Variants in ATPAF2 observed in about 807,000 individuals in gnomAD.
The protein encoded by ATPAF2 is ATP12 homolog.
Under a neutral mutation model 36.6 loss-of-function variants are expected in ATPAF2, and 30 were observed. That is an observed-to-expected ratio of 0.82 (90% CI 0.61 to 1.11). The LOEUF (loss-of-function observed/expected upper bound fraction) is 1.11. Ranked by LOEUF, ATPAF2 falls within the 50% of genes most tolerant of loss-of-function variation. ATPAF2 has a pLI of 0.00. For synonymous variants in ATPAF2, 140 were observed against 152.6 expected (o/e 0.92, Z 0.61); for missense variants, 321 against 372.3 (o/e 0.86, Z 1.13).
At chr17:18,037,735 T>C (rs146740340) in intron 1 of ATPAF2, among the ~76,000 whole-genome samples, 1 of 152,336 alleles carries the variant, frequency 6.6e-6, no homozygotes, top group East Asian at 1.9e-4. Context: ...TCAGCCAGCA[T>C]CAGATCCTAG....
chr17:18,031,930 A>C (rs143449727), intron 1 of ATPAF2, among the ~76,000 whole-genome samples: 245 of 152,310 alleles, frequency 1.6e-3, no homozygotes, highest in African/African-American at 5.4e-3. Flanking sequence ...TACTGCTTTT[A>C]AATTTCTCTA....
intron 1 of ATPAF2, among the ~76,000 whole-genome samples, chr17:18,038,672 A>G (rs923117821): frequency 2.6e-5 from 4 of 152,132 alleles, no homozygotes; most frequent in African/African-American, 9.7e-5. Flanking sequence ...CCAAATATCA[A>G]TTACTGTATC....
chr17:18,034,397 C>T (rs1235311295), intron 1 of ATPAF2, among the ~76,000 whole-genome samples: 1 of 152,058 alleles, frequency 6.6e-6, no homozygotes, highest in East Asian at 1.9e-4. Context: ...CAGAGCAAGA[C>T]CCCCTCTCTT....
chr17:18,036,534 CCACTG>C (rs1002716403), intron 1 of ATPAF2, among the ~76,000 whole-genome samples: 1 of 151,690 alleles, frequency 6.6e-6, no homozygotes, highest in Non-Finnish European at 1.5e-5. Flanking sequence ...CAAGATTGCG[CCACTG>C]CACTCCAGCC....
At chr17:18,037,645 C>T (rs1448993669) in intron 1 of ATPAF2, among the ~76,000 whole-genome samples, 3 of 152,162 alleles carry the variant, frequency 2.0e-5, no homozygotes, top group African/African-American at 7.2e-5. Flanking sequence ...GAAAGATCCT[C>T]AAAGGCAACC....
intron 7 of ATPAF2, among the ~76,000 whole-genome samples, chr17:18,020,330 G>A (rs981650556): frequency 1.3e-5 from 2 of 152,342 alleles, no homozygotes; most frequent in South Asian, 2.1e-4. Context: ...CAGATAAAAT[G>A]TCAGGGTATG....
At chr17:18,037,966 A>C (rs1419582859) in intron 1 of ATPAF2, among the ~76,000 whole-genome samples, 1 of 152,218 alleles carries the variant, frequency 6.6e-6, no homozygotes, top group Non-Finnish European at 1.5e-5. Context: ...GAACATCCCC[A>C]AGATGGGAGT....
intron 1 of ATPAF2, among the ~76,000 whole-genome samples, chr17:18,029,405 T>C (rs1201409610): frequency 6.6e-6 from 1 of 152,246 alleles, no homozygotes; most frequent in Non-Finnish European, 1.5e-5. Flanking sequence ...AGCTATAAGC[T>C]ATAACTCAGT....
chr17:18,029,299 T>C (rs944346578), intron 1 of ATPAF2, among the ~76,000 whole-genome samples: 2 of 152,208 alleles, frequency 1.3e-5, no homozygotes, highest in African/African-American at 2.4e-5. Context: ...CATGAAACAG[T>C]CTCCTTCTTT....
In ATPAF2 at chr17:18,021,881, T is replaced by C. The variant is rs201082226; in HGVS notation, c.504-24A>G. 1.2e-5 allele frequency: 20 copies of C among 1,603,250 alleles called. No homozygotes were observed. In the East Asian group the frequency reaches 4.2e-4, roughly 34 times the overall value. The stretch of plus-strand genomic sequence containing the variant: ...ATCTGAAAGGAAAAGGGCTTCGGCA[T>C]GTCTCTGTCATGCTGTAGCCCAAGA... On this transcript the variant is annotated intron_variant, in intron 5 of 7. Transcript: ENST00000474627.
At chr17:18,019,663 G>C (rs892860480) in intron 7 of ATPAF2, among the ~76,000 whole-genome samples, 2 of 152,220 alleles carry the variant, frequency 1.3e-5, no homozygotes, top group Admixed American at 1.3e-4. Context: ...AACCTTGCTG[G>C]CTCCTCCCTG....
At chr17:18,020,863 G>A (rs769017011) in intron 7 of ATPAF2, 2 of 693,224 alleles carry the variant, frequency 2.9e-6, no homozygotes, top group Non-Finnish European at 2.1e-6. Context: ...GTTTTGCCAT[G>A]TTGCCCAGGC....
chr17:18,038,599 G>T (rs1226056020), intron 1 of ATPAF2, among the ~76,000 whole-genome samples: 1 of 152,208 alleles, frequency 6.6e-6, no homozygotes, highest in Admixed American at 6.5e-5. Flanking sequence ...TGAAAACAAA[G>T]ATGACACCTG....
chr17:18,016,324 T>C, downstream of ATPAF2: 1 of 1,126,730 alleles, frequency 8.9e-7, no homozygotes, highest in South Asian at 1.5e-5. Flanking sequence ...TTAAGGATTA[T>C]AGAATTCCAC....
At chr17:18,023,801 C>T (rs1267898722) in intron 5 of ATPAF2, among the ~76,000 whole-genome samples, 1 of 152,168 alleles carries the variant, frequency 6.6e-6, no homozygotes, top group Non-Finnish European at 1.5e-5. Context: ...ATGTGCCTTG[C>T]AAGCTTAGAA....
chr17:18,038,733 A>T, intron 1 of ATPAF2, 148 bp downstream of exon 1: 1 of 1,165,040 alleles, frequency 8.6e-7, no homozygotes, highest in Non-Finnish European at 1.2e-6. Context: ...TCTGGGCTTC[A>T]CTTTCTCATC....
chr17:18,020,399 C>T (rs2044452391), intron 7 of ATPAF2, among the ~76,000 whole-genome samples: 1 of 152,240 alleles, frequency 6.6e-6, no homozygotes, highest in Admixed American at 6.5e-5. Context: ...AGGGCCTGTT[C>T]TGCAGGCTTT....
chr17:18,016,018 G>A (rs1447916347), downstream of ATPAF2: 11 of 1,602,548 alleles, frequency 6.9e-6, no homozygotes, highest in African/African-American at 1.1e-4. Context: ...TTGTGTTCAC[G>A]GTATAATGAC....
Position 18,019,147 on chromosome 17 carries a change from C to CCACACACACACACA in ATPAF2, c.733-475_733-462dup, listed in dbSNP as rs138932269. On this transcript the variant is annotated intron_variant, in intron 7 of 7. Transcript: ENST00000474627. ...AGAGCAAGACCCTGTCTCAAAAACA[C>CCACACACACACACA]CACACACACACACACACACACACAC... Among the ~76,000 whole-genome samples, 1,067 of 135,628 alleles carry CCACACACACACACA rather than the reference C, an allele frequency of 7.9e-3. 9 individuals are homozygous for CCACACACACACACA. Among genetic ancestry groups the CCACACACACACACA allele is most frequent in the East Asian group, 0.018 (77 of 4,388 alleles). 89.0% of individuals were successfully genotyped at this position (135,628 alleles called of 152,430 possible). A position where few individuals can be genotyped will look rare whatever the true frequency, so the allele number is the denominator to read the frequency against.
Sources: gnomAD v4.1 joint callset for allele counts (sites outside exome capture counted in the v4.1 genomes callset) on GRCh38, gnomAD v4.1.1 for gene constraint, MANE v1.5 for transcripts, NCBI Gene and HGNC (gene_info 2026-07-23, HGNC 2026-07-21) for gene names.